Variants in DGKB observed in about 807,000 individuals in gnomAD.
The protein encoded by DGKB is diacylglycerol kinase beta, also known as 90 kDa diacylglycerol kinase.
In DGKB, 67 loss-of-function variants were observed where a neutral mutation model predicts 114.3. That is an observed-to-expected ratio of 0.59 (90% CI 0.48 to 0.72). The LOEUF (loss-of-function observed/expected upper bound fraction) is 0.72. DGKB is among the 30% of genes least tolerant of loss of function. The pLI is 0.00. For missense variants in DGKB, 907 were observed against 975.2 expected, an observed-to-expected ratio of 0.93 and a Z score of 0.93; for synonymous variants, 398 against 323.1, an observed-to-expected ratio of 1.23 and a Z score of -2.49.
chr7:14,854,295 G>A (rs1371946218), intron 1 of DGKB, among the ~76,000 whole-genome samples: 2 of 151,712 alleles, frequency 1.3e-5, no homozygotes, highest in East Asian at 1.9e-4. Context: ...GTGAGCAAAA[G>A]GATAATATAA....
At chr7:14,297,525 CAATAAA>C (rs1802787635) in intron 23 of DGKB, among the ~76,000 whole-genome samples, 1 of 152,076 alleles carries the variant, frequency 6.6e-6, no homozygotes. Context: ...TAAAGACACT[CAATAAA>C]GTAGATATTG....
intron 1 of DGKB, among the ~76,000 whole-genome samples, chr7:14,883,996 T>A (rs1854638349): frequency 6.6e-6 from 1 of 151,878 alleles, no homozygotes; most frequent in Admixed American, 6.6e-5. Context: ...GAAAACAAAG[T>A]GAGCCAAAAG....
intron 5 of DGKB, among the ~76,000 whole-genome samples, chr7:14,733,490 C>T (rs1044069999): frequency 6.6e-6 from 1 of 152,046 alleles, no homozygotes; most frequent in Non-Finnish European, 1.5e-5. Flanking sequence ...CATTCGAGAC[C>T]AGCCTGGTCA....
intron 23 of DGKB, among the ~76,000 whole-genome samples, chr7:14,320,100 T>C (rs990643652): frequency 1.1e-4 from 17 of 152,164 alleles, no homozygotes; most frequent in Non-Finnish European, 2.5e-4. Flanking sequence ...AGAACTCTCA[T>C]TAAAGCTTTT....
intron 1 of DGKB, among the ~76,000 whole-genome samples, chr7:14,863,859 G>A (rs1851331394): frequency 6.6e-6 from 1 of 152,124 alleles, no homozygotes; most frequent in South Asian, 2.1e-4. Context: ...TGGCACTTTG[G>A]GAGGCCTAGG....
chr7:14,170,344 T>C (rs1289492025), intron 25 of DGKB, among the ~76,000 whole-genome samples: 3 of 152,180 alleles, frequency 2.0e-5, no homozygotes, highest in African/African-American at 7.2e-5. Context: ...GGTTTTTTCT[T>C]AAATTTATAA....
intron 20 of DGKB, among the ~76,000 whole-genome samples, chr7:14,568,193 C>T (rs1797879859): frequency 6.6e-6 from 1 of 152,054 alleles, no homozygotes; most frequent in Admixed American, 6.6e-5. Context: ...TCAAACAGTA[C>T]CTGGTACATA....
Position 14,377,550 on chromosome 7 carries a change from G to C in DGKB, c.1836-32159C>G, listed in dbSNP as rs543323263. On this transcript the variant is annotated intron_variant, in intron 21 of 25. Coordinates refer to ENST00000402815, the MANE Select transcript of DGKB (RefSeq NM_001350709.2). The stretch of plus-strand genomic sequence containing the variant: ...CTAAATAATCATTCTTATCTTCTAG[G>C]ACAGGTATGAAAACACTTGATAAGT... Among the ~76,000 whole-genome samples, 4 of 152,120 alleles carry C rather than the reference G, an allele frequency of 2.6e-5. No homozygotes were observed. The East Asian group carries it at 7.7e-4, about 29-fold the overall frequency.
At chr7:14,347,172 C>G (rs1812621855) in intron 21 of DGKB, among the ~76,000 whole-genome samples, 1 of 151,816 alleles carries the variant, frequency 6.6e-6, no homozygotes. Context: ...CCACTGGGAT[C>G]TTGGTTATTA....
At chr7:14,216,478 C>A (rs1260250218) in intron 23 of DGKB, among the ~76,000 whole-genome samples, 1 of 152,016 alleles carries the variant, frequency 6.6e-6, no homozygotes, top group South Asian at 2.1e-4. Context: ...GTAATCCCAG[C>A]ACTTTGGGAG....
chr7:14,963,985 T>C (rs2115280538), intron 1 of DGKB, among the ~76,000 whole-genome samples: 1 of 152,274 alleles, frequency 6.6e-6, no homozygotes, highest in African/African-American at 2.4e-5. Flanking sequence ...TGATATTTGT[T>C]ATAATAAAGA....
intron 21 of DGKB, among the ~76,000 whole-genome samples, chr7:14,355,949 T>A (rs1167364484): frequency 6.6e-6 from 1 of 152,202 alleles, no homozygotes; most frequent in Non-Finnish European, 1.5e-5. Context: ...CTGCCTCAAT[T>A]TCAGAACTTG....
chr7:14,766,513 T>A (rs1257630239), intron 2 of DGKB, among the ~76,000 whole-genome samples: 1 of 151,830 alleles, frequency 6.6e-6, no homozygotes, highest in Admixed American at 6.6e-5. Context: ...AGATGAAGCA[T>A]GTTTGGAATG....
intron 23 of DGKB, among the ~76,000 whole-genome samples, chr7:14,334,661 T>G (rs1810366001): frequency 6.6e-6 from 1 of 151,806 alleles, no homozygotes. Context: ...GTTTGAAAAA[T>G]AACATTTTAG....
At chr7:14,537,811 T>C (rs1584665046) in intron 20 of DGKB, among the ~76,000 whole-genome samples, 1 of 152,268 alleles carries the variant, frequency 6.6e-6, no homozygotes, top group Middle Eastern at 3.4e-3. Flanking sequence ...CTGGGCGCGG[T>C]GGCTCACGCC....
In DGKB at chr7:14,747,775, G is replaced by GCGCGCGAGCGCACACACACACA; in HGVS notation, c.168+6152_168+6153insTGTGTGTGTGTGCGCTCGCGCG. On this transcript the variant is annotated intron_variant, in intron 4 of 25. Coordinates refer to ENST00000402815, the MANE Select transcript of DGKB (RefSeq NM_001350709.2). ...GCTGTGGGCTCAAACACATCCACGC[G>GCGCGCGAGCGCACACACACACA]CACGCACACACACACACACACACAC... 2.7e-5 allele frequency among the ~76,000 whole-genome samples: 4 copies of GCGCGCGAGCGCACACACACACA among 149,178 alleles called. 1 individual carries two copies. Among genetic ancestry groups the GCGCGCGAGCGCACACACACACA allele is most frequent in the Admixed American group, 2.7e-4 (4 of 15,012 alleles).
At chr7:14,172,827 C>G (rs560751730) in intron 25 of DGKB, among the ~76,000 whole-genome samples, 59 of 152,194 alleles carry the variant, frequency 3.9e-4, no homozygotes, top group African/African-American at 1.4e-3. Context: ...TATGTCCTCT[C>G]CTATCCTACC....
intron 6 of DGKB, among the ~76,000 whole-genome samples, chr7:14,703,072 A>G (rs1359279779): frequency 2.0e-5 from 3 of 148,074 alleles, no homozygotes; most frequent in Non-Finnish European, 3.0e-5. Flanking sequence ...TAAAATGCAG[A>G]AGGAAACAGC....
At chr7:14,154,474 A>G (rs1782684290) in intron 25 of DGKB, among the ~76,000 whole-genome samples, 1 of 151,960 alleles carries the variant, frequency 6.6e-6, no homozygotes, top group South Asian at 2.1e-4. Flanking sequence ...AATACTGTAG[A>G]GCTTTTCATA....
Sources: gnomAD v4.1 joint callset for allele counts (sites outside exome capture counted in the v4.1 genomes callset) on GRCh38, gnomAD v4.1.1 for gene constraint, MANE v1.5 for transcripts, NCBI Gene and HGNC (gene_info 2026-07-23, HGNC 2026-07-21) for gene names.